The following LMAN1 variants were observed in gnomAD, a reference collection of about 807,000 sequenced individuals.
LMAN1 encodes the protein lectin, mannose binding 1, also known as protein ERGIC-53.
Under a neutral mutation model 67.8 loss-of-function variants are expected in LMAN1, and 32 were observed. That is an observed-to-expected ratio of 0.47 (90% CI 0.36 to 0.63). The LOEUF (loss-of-function observed/expected upper bound fraction) is 0.63. LMAN1 is among the 30% of genes least tolerant of loss of function. The probability of loss-of-function intolerance (pLI) is 0.00; values close to 1 mark genes in which losing one functional copy is unlikely to be tolerated. For synonymous variants in LMAN1, 235 were observed against 219.3 expected, an observed-to-expected ratio of 1.07 and a Z score of -0.63; for missense variants, 632 against 628.2, an observed-to-expected ratio of 1.01 and a Z score of -0.06.
At chr18:59,350,142 T>C (rs187772687) in intron 5 of LMAN1, among the ~76,000 whole-genome samples, 1 of 152,298 alleles carries the variant, frequency 6.6e-6, no homozygotes, top group African/African-American at 2.4e-5. Context: ...TCTGTCAATA[T>C]GAAGAGTTAC....
chr18:59,336,173 C>A (rs987410760), intron 10 of LMAN1, among the ~76,000 whole-genome samples: 3 of 152,082 alleles, frequency 2.0e-5, no homozygotes, highest in African/African-American at 7.3e-5. Flanking sequence ...TAGCTCTGTC[C>A]AGTAAGAGGC....
chr18:59,348,649 AGTT>A (rs1365057701), intron 6 of LMAN1, among the ~76,000 whole-genome samples: 10 of 152,204 alleles, frequency 6.6e-5, no homozygotes. Flanking sequence ...TTTTGTTTAA[AGTT>A]TAGTCACCAA....
chr18:59,347,169 C>G (rs955261215), intron 7 of LMAN1, among the ~76,000 whole-genome samples: 8 of 150,244 alleles, frequency 5.3e-5, no homozygotes, highest in Non-Finnish European at 1.2e-4. Context: ...CTCAGCTTAC[C>G]GCAACCTCTC....
chr18:59,350,992 C>G (rs577441700), intron 5 of LMAN1, among the ~76,000 whole-genome samples: 12 of 152,274 alleles, frequency 7.9e-5, no homozygotes, highest in Non-Finnish European at 1.5e-4. Flanking sequence ...TTTAAGATCT[C>G]TTGCTTTGGC....
chr18:59,351,894 C>T (rs1415102833), intron 5 of LMAN1, among the ~76,000 whole-genome samples: 1 of 152,186 alleles, frequency 6.6e-6, no homozygotes, highest in Non-Finnish European at 1.5e-5. Context: ...ATACATTGGA[C>T]ACTTGCTCTA....
At chr18:59,347,028 AG>A (rs1359286411) in intron 7 of LMAN1, among the ~76,000 whole-genome samples, 1 of 151,888 alleles carries the variant, frequency 6.6e-6, no homozygotes, top group Admixed American at 6.6e-5. Flanking sequence ...CAGGAGATCG[AG>A]ACCATCCTGG....
chr18:59,346,209 CTTTTTTTTT>C (rs370183077), intron 7 of LMAN1, among the ~76,000 whole-genome samples, 158 bp from the exon 8 acceptor site: 2 of 61,608 alleles, frequency 3.2e-5, no homozygotes, highest in East Asian at 4.7e-4. Flanking sequence ...GCAAATTACT[CTTTTTTTTT>C]TTTTTTTTTT....
At chr18:59,349,281 A>C in intron 5 of LMAN1, 45 bp from the exon 6 acceptor site, 3 of 1,557,386 alleles carry the variant, frequency 1.9e-6, no homozygotes, top group Non-Finnish European at 2.7e-6. Flanking sequence ...AAGACATTAG[A>C]AAATAAATTT....
rs1421287148 is a variant in LMAN1, at chr18:59,328,851, C to A, written c.*2242G>T. The A allele has an allele frequency of 6.6e-6, 1 of 152,142 alleles. No individual in the cohort carries two copies. The highest frequency in any genetic ancestry group is 1.5e-5 in the Non-Finnish European group (1 of 68,028). The allele number at this position is 152,142 out of a possible 1,614,324, so 9.4% of individuals were successfully genotyped here. On this transcript the variant is annotated 3_prime_UTR_variant, in exon 13 of 13. Transcript: ENST00000251047. The stretch of plus-strand genomic sequence containing the variant: ...ACAATTATTAGAACACAAATAGGTA[C>A]ATTAAATAAGGATATAAGCCATTAC...
Position 59,355,502 on chromosome 18 carries a change from A to C in LMAN1, c.369+2T>G. 6.2e-7 allele frequency: 1 copy of C among 1,614,116 alleles called. No homozygotes were observed. The highest frequency in any genetic ancestry group is 1.1e-5 in the South Asian group (1 of 91,078). On this transcript the variant is annotated splice_donor_variant, in intron 2 of 12. Coordinates refer to ENST00000251047, the MANE Select transcript of LMAN1 (RefSeq NM_005570.4). LOFTEE classifies it high-confidence loss of function. Reference sequence around the variant, plus strand: ...TTTTCTAAGTTAAAGAAATGATCATACTAGGCCATCAGCTCCAATTCGACC... The same window carrying C: ...TTTTCTAAGTTAAAGAAATGATCATCCTAGGCCATCAGCTCCAATTCGACC...
At chr18:59,338,486 G>A (rs917973202) in intron 10 of LMAN1, 71 bp downstream of exon 10, 13 of 1,203,326 alleles carry the variant, frequency 1.1e-5, no homozygotes, top group Non-Finnish European at 1.6e-5. Context: ...TACAGTGCTT[G>A]CACACCTGAA....
chr18:59,332,108 G>A (rs2070751244), intron 11 of LMAN1, among the ~76,000 whole-genome samples: 1 of 151,980 alleles, frequency 6.6e-6, no homozygotes, highest in Non-Finnish European at 1.5e-5. Flanking sequence ...TAAATACCAG[G>A]AACAAAGACT....
In LMAN1 at chr18:59,359,083, C is replaced by T. The variant is rs1256941550; in HGVS notation, c.162G>A (p.Gly54=). 1.2e-6 allele frequency: 2 copies of T among 1,614,088 alleles called. No individual in the cohort carries two copies. The highest frequency in any genetic ancestry group is 1.7e-6 in the Non-Finnish European group (2 of 1,179,982). Reference sequence around the variant, plus strand: ...TCCCGTCGCTCTGCACCAGGTGCGGCCCCTTGAAGCTGTATTTGTACTCGA... The same window carrying T: ...TCCCGTCGCTCTGCACCAGGTGCGGTCCCTTGAAGCTGTATTTGTACTCGA... ...RRFEYKYSFK[G]PHLVQSDGTV... Residue 54 remains glycine, a synonymous_variant, in exon 1 of 13, where the codon GGG becomes GGA. Coordinates refer to ENST00000251047, the MANE Select transcript of LMAN1 (RefSeq NM_005570.4).
chr18:59,350,661 A>G (rs548487957), intron 5 of LMAN1, among the ~76,000 whole-genome samples: 3 of 151,928 alleles, frequency 2.0e-5, no homozygotes, highest in Non-Finnish European at 2.9e-5. Context: ...AGCCTGGCTA[A>G]TTTTTTTGTA....
Position 59,345,775 on chromosome 18 carries a change from T to G in LMAN1, c.955+144A>C, listed in dbSNP as rs1265353729. On this transcript the variant is annotated intron_variant, in intron 8 of 12. Transcript: ENST00000251047. ...TCTTGACTCTTAAAGACTAAAGATT[T>G]GCTCCTAAATTGTTTCCAGAAATCA... 7.6e-6 allele frequency: 7 copies of G among 921,402 alleles called. No individual in the cohort carries two copies. In the Middle Eastern group the frequency reaches 9.6e-4, roughly 127 times the overall value. The allele number at this position is 921,402 out of a possible 1,614,324, so 57.1% of individuals were successfully genotyped here. A position where few individuals can be genotyped will look rare whatever the true frequency, so the allele number is the denominator to read the frequency against.
At chr18:59,345,518 C>G (rs961279834) in intron 8 of LMAN1, among the ~76,000 whole-genome samples, 1 of 152,032 alleles carries the variant, frequency 6.6e-6, no homozygotes, top group Admixed American at 6.6e-5. Context: ...TCACTAAAAC[C>G]AAAAATATAC....
chr18:59,344,623 T>C (rs1319435406), intron 8 of LMAN1, among the ~76,000 whole-genome samples: 3 of 151,810 alleles, frequency 2.0e-5, no homozygotes, highest in African/African-American at 7.3e-5. Context: ...CATGGACAAA[T>C]GGAGTGGAAT....
intron 8 of LMAN1, 62 bp from the exon 9 acceptor site, chr18:59,339,015 C>T (rs190444704): frequency 3.3e-4 from 479 of 1,447,002 alleles, no homozygotes; most frequent in Non-Finnish European, 4.2e-4. Context: ...TTTGAAATAA[C>T]GTAAGTGACC....
At position 59,359,053 on chromosome 18, in the gene LMAN1, C is replaced by A. The variant is rs1908733753; in HGVS notation, c.192G>T (p.Val64=). ...GPHLVQSDGT[V]PFWAHAGNAI... is the part of the protein sequence containing the mutation. ...TACTCCCCGCGTGGGCCCAGAAGGG[C>A]ACGGTCCCGTCGCTCTGCACCAGGT... The change falls in exon 1 of 13, where the codon GTG becomes GTT. Residue 64 remains valine, a synonymous_variant. Coordinates refer to ENST00000251047, the MANE Select transcript of LMAN1 (RefSeq NM_005570.4). 1 of 1,613,908 alleles carries A rather than the reference C, an allele frequency of 6.2e-7. No homozygotes were observed. The highest frequency in any genetic ancestry group is 1.1e-5 in the South Asian group (1 of 91,092).
Sources: gnomAD v4.1 joint callset for allele counts (sites outside exome capture counted in the v4.1 genomes callset) on GRCh38, gnomAD v4.1.1 for gene constraint, MANE v1.5 for transcripts, NCBI Gene and HGNC (gene_info 2026-07-23, HGNC 2026-07-21) for gene names.